The following PTPRG variants were observed in gnomAD, a reference collection of about 807,000 sequenced individuals.
PTPRG encodes protein tyrosine phosphatase receptor type G.
A neutral mutation model predicts 165.3 loss-of-function variants in PTPRG; 102 were observed. The observed-to-expected ratio is 0.62, with a 90% CI of 0.53 to 0.73. The LOEUF (loss-of-function observed/expected upper bound fraction) is 0.73, where lower values mean the gene tolerates loss of function less well. Ranked by LOEUF, PTPRG falls within the 30% of genes least tolerant of loss-of-function variation. PTPRG has a pLI of 0.00. For missense variants in PTPRG, 1,866 were observed against 1,861.4 expected, an observed-to-expected ratio of 1.00 and a Z score of -0.05; for synonymous variants, 675 against 669.5, an observed-to-expected ratio of 1.01 and a Z score of -0.13.
intron 3 of PTPRG, among the ~76,000 whole-genome samples, chr3:61,995,318 G>T (rs532231589): frequency 6.6e-6 from 1 of 151,892 alleles, no homozygotes; most frequent in Non-Finnish European, 1.5e-5. Flanking sequence ...CAAACTCCCG[G>T]CCTCAAGCAA....
chr3:61,906,688 G>C (rs2038665327), intron 2 of PTPRG, among the ~76,000 whole-genome samples: 1 of 152,166 alleles, frequency 6.6e-6, no homozygotes, highest in Non-Finnish European at 1.5e-5. Context: ...GTTGAGGTAG[G>C]AGGATCACAT....
chr3:62,203,992 AAT>A lies in PTPRG; in HGVS notation c.2155+44_2155+45del. On this transcript the variant is annotated intron_variant, in intron 12 of 29. Coordinates refer to ENST00000474889, the MANE Select transcript of PTPRG (RefSeq NM_002841.4). The surrounding 1 kb of genome is among the most constrained non-coding windows in gnomAD (Gnocchi z 6.4). ...TTCTTCGAGGGTTCCTGCTCCTGTG[AAT>A]AGTCGTACCCTTTTTCAAAAAATTG... 1 of 1,514,252 alleles carries A rather than the reference AAT, an allele frequency of 6.6e-7. No individual in the cohort carries two copies. The highest frequency in any genetic ancestry group is 8.8e-7 in the Non-Finnish European group (1 of 1,130,840). The allele number at this position is 1,514,252 out of a possible 1,614,324, so 93.8% of individuals were successfully genotyped here. A position where few individuals can be genotyped will look rare whatever the true frequency, so the allele number is the denominator to read the frequency against.
At chr3:61,607,547 T>C (rs1365906396) in intron 1 of PTPRG, among the ~76,000 whole-genome samples, 1 of 152,304 alleles carries the variant, frequency 6.6e-6, no homozygotes, top group South Asian at 2.1e-4. Context: ...ACAAACTCTT[T>C]TAAACCTTAC....
At chr3:62,022,230 A>AT (rs1466183618) in intron 4 of PTPRG, among the ~76,000 whole-genome samples, 4 of 152,236 alleles carry the variant, frequency 2.6e-5, no homozygotes, top group African/African-American at 9.6e-5. Context: ...ACCTATTTAC[A>AT]TTTTTTGTGA....
intron 1 of PTPRG, among the ~76,000 whole-genome samples, chr3:61,602,681 C>T (rs1232878187): frequency 1.3e-5 from 2 of 152,178 alleles, no homozygotes; most frequent in African/African-American, 4.8e-5. Context: ...CTTAGTTTTG[C>T]AGCCCATGCT....
intron 14 of PTPRG, among the ~76,000 whole-genome samples, chr3:62,235,273 C>G (rs574998343): frequency 1.3e-5 from 2 of 152,130 alleles, no homozygotes; most frequent in Non-Finnish European, 1.5e-5. Context: ...GAGAGCCCCT[C>G]AAGCCTCAGT....
intron 5 of PTPRG, among the ~76,000 whole-genome samples, chr3:62,107,680 T>A (rs755756265): frequency 2.6e-5 from 4 of 152,200 alleles, no homozygotes; most frequent in Non-Finnish European, 5.9e-5. Context: ...ATACTGATAT[T>A]CTCTTCTCAA....
At chr3:61,734,421 T>C (rs765012345) in intron 1 of PTPRG, among the ~76,000 whole-genome samples, 25 of 152,204 alleles carry the variant, frequency 1.6e-4, no homozygotes, top group Non-Finnish European at 3.1e-4. Context: ...AATACTCACT[T>C]ACTGATTATG....
intron 2 of PTPRG, among the ~76,000 whole-genome samples, chr3:61,966,645 C>G (rs947838255): frequency 6.6e-6 from 1 of 151,728 alleles, no homozygotes; most frequent in African/African-American, 2.4e-5. Flanking sequence ...TTCTCACTTT[C>G]CTTATTCAAG....
chr3:61,562,937 G>A (rs1160338991), intron 1 of PTPRG, among the ~76,000 whole-genome samples: 4 of 152,130 alleles, frequency 2.6e-5, no homozygotes, highest in Admixed American at 6.5e-5. Flanking sequence ...GTTCTGGGTC[G>A]GGGGCGTCCT....
intron 2 of PTPRG, among the ~76,000 whole-genome samples, chr3:61,980,165 G>C (rs184753368): frequency 6.6e-6 from 1 of 152,128 alleles, no homozygotes; most frequent in African/African-American, 2.4e-5. Context: ...AATCCTGGCC[G>C]TGTTTAAACC....
intron 17 of PTPRG, among the ~76,000 whole-genome samples, chr3:62,264,615 A>T (rs753930458): frequency 6.6e-6 from 1 of 152,222 alleles, no homozygotes; most frequent in East Asian, 1.9e-4. Context: ...GTTGTACCAT[A>T]TATCAATACT....
At position 61,632,962 on chromosome 3, in the gene PTPRG, A is replaced by G. The variant is rs554865679; in HGVS notation, c.85+70590A>G. ...ATGCCGGCTGTTTCCAGAATTTATG[A>G]AACTTTTTTCCACCCCAGGGTTCTT... On this transcript the variant is annotated intron_variant, in intron 1 of 29. Coordinates refer to ENST00000474889, the MANE Select transcript of PTPRG (RefSeq NM_002841.4). Among the ~76,000 whole-genome samples the G allele has an allele frequency of 2.6e-5, 4 of 152,294 alleles. No homozygotes were observed. The East Asian group carries it at 5.8e-4, about 22-fold the overall frequency.
chr3:61,928,774 G>A (rs1244625178), intron 2 of PTPRG, among the ~76,000 whole-genome samples: 1 of 151,974 alleles, frequency 6.6e-6, no homozygotes, highest in East Asian at 1.9e-4. Context: ...CTCTTTTCAG[G>A]GTTGATATAT....
intron 1 of PTPRG, among the ~76,000 whole-genome samples, chr3:61,710,954 A>G (rs999193793): frequency 7.9e-5 from 12 of 151,190 alleles, no homozygotes; most frequent in Non-Finnish European, 1.2e-4. Context: ...CTGGTGTGTG[A>G]TGTTCCCCTC....
At chr3:62,131,489 G>A (rs1178462293) in intron 5 of PTPRG, among the ~76,000 whole-genome samples, 1 of 152,150 alleles carries the variant, frequency 6.6e-6, no homozygotes, top group Non-Finnish European at 1.5e-5. Context: ...AATTCTAGGG[G>A]TGGCTCTTGA....
intron 5 of PTPRG, among the ~76,000 whole-genome samples, chr3:62,099,410 G>A (rs1207845518): frequency 6.6e-5 from 10 of 152,038 alleles, no homozygotes; most frequent in East Asian, 5.8e-4. Flanking sequence ...AGTTGTGGCC[G>A]CAAAAGTGTT....
intron 1 of PTPRG, among the ~76,000 whole-genome samples, chr3:61,724,217 C>A (rs199977919): frequency 5.9e-4 from 76 of 128,698 alleles, no homozygotes; most frequent in Admixed American, 8.3e-4. Flanking sequence ...CTCCCATCTC[C>A]AAAAAAAAAA....
At chr3:61,798,811 T>C (rs978800057) in intron 2 of PTPRG, among the ~76,000 whole-genome samples, 1 of 152,082 alleles carries the variant, frequency 6.6e-6, no homozygotes, top group African/African-American at 2.4e-5. Flanking sequence ...AATGTTCTGC[T>C]TTTGTGGATA....
Sources: allele counts gnomAD v4.1 joint callset (sites outside exome capture counted in the v4.1 genomes callset), GRCh38; gene constraint gnomAD v4.1.1; non-coding constraint Gnocchi (gnomAD v3.1); transcripts MANE v1.5; gene names NCBI Gene and HGNC (gene_info 2026-07-23, HGNC 2026-07-21).